RREB1: variants seen among roughly 807,000 people sequenced by gnomAD.
RREB1 encodes the protein ras responsive element binding protein 1, also known as ras-responsive element-binding protein 1.
A neutral mutation model predicts 117.8 loss-of-function variants in RREB1; 27 were observed. The observed-to-expected ratio is 0.23, with a 90% CI of 0.17 to 0.32. RREB1 has a LOEUF of 0.32. Among genes scored for constraint, RREB1 ranks in the 10% least tolerant of loss-of-function variants. The pLI is 1.00. For synonymous variants in RREB1, 1,298 were observed against 1,026.7 expected (o/e 1.26, Z -5.05); for missense variants, 2,577 against 2,378.2 (o/e 1.08, Z -1.74).
At chr6:7,123,964 A>G (rs1038368034) in intron 1 of RREB1, among the ~76,000 whole-genome samples, 3 of 152,074 alleles carry the variant, frequency 2.0e-5, no homozygotes, top group African/African-American at 7.3e-5. Flanking sequence ...CGTGTACCCA[A>G]AGGCCTGTCA....
At chr6:7,141,693 A>C (rs374352583) in intron 1 of RREB1, among the ~76,000 whole-genome samples, 67 of 152,380 alleles carry the variant, frequency 4.4e-4, no homozygotes, top group African/African-American at 1.6e-3. Flanking sequence ...TTTAAAAGAA[A>C]AACCACGTAT....
Position 7,123,227 on chromosome 6 carries a change from G to A in RREB1, c.-285+15167G>A, listed in dbSNP as rs144600133. 3.3e-5 allele frequency among the ~76,000 whole-genome samples: 5 copies of A among 151,842 alleles called. No homozygotes were observed. In the East Asian group the frequency reaches 5.8e-4, roughly 18 times the overall value. ...GGCTGGAGTACAATGGTGCAATCTCGTCTCACTGCAACTTCCACCTCCCGG... is the reference window on the plus strand; with the variant it reads ...GGCTGGAGTACAATGGTGCAATCTCATCTCACTGCAACTTCCACCTCCCGG... On this transcript the variant is annotated intron_variant, in intron 1 of 12. Coordinates refer to ENST00000379938, the MANE Select transcript of RREB1 (RefSeq NM_001003699.4).
intron 1 of RREB1, among the ~76,000 whole-genome samples, chr6:7,111,047 A>C (rs1024926852): frequency 1.3e-5 from 2 of 152,160 alleles, no homozygotes. Context: ...GGGTCTTTTA[A>C]ATTTCTTCGG....
At chr6:7,240,039 C>T (rs939016279) in intron 10 of RREB1, among the ~76,000 whole-genome samples, 1 of 152,238 alleles carries the variant, frequency 6.6e-6, no homozygotes, top group Non-Finnish European at 1.5e-5. Context: ...ATTACGGTGT[C>T]CTTGCCACAC....
chr6:7,152,385 TG>T (rs1476510178), intron 1 of RREB1, among the ~76,000 whole-genome samples: 14 of 152,330 alleles, frequency 9.2e-5, no homozygotes, highest in Non-Finnish European at 1.0e-4. Context: ...TATTGTTAAT[TG>T]ACTTTTTTTA....
Position 7,229,475 on chromosome 6 carries a change from T to C in RREB1, c.1376T>C (p.Ile459Thr), listed in dbSNP as rs780951539. The change falls in exon 10 of 13, where the codon ATC becomes ACC. Residue 459 changes from isoleucine (I) to threonine (T), a missense_variant. By Grantham distance (89) the Ile-to-Thr change is moderately conservative. Transcript: ENST00000379938. This position sits in a 1 kb window ranked among gnomAD's most constrained non-coding sequence, Gnocchi z 4.5. Reference sequence around the variant, plus strand: ...GACAGCAGCATTGTGGTCAAGCCCATCTCTGGCGAGTCGGCCATCGAGCTG... The same window carrying C: ...GACAGCAGCATTGTGGTCAAGCCCACCTCTGGCGAGTCGGCCATCGAGCTG... ...QPDSSIVVKP[I>T]SGESAIELAD... The C allele has an allele frequency of 1.7e-5, 28 of 1,614,168 alleles. No homozygotes were observed. Among genetic ancestry groups the C allele is most frequent in the Non-Finnish European group, 2.4e-5 (28 of 1,180,022 alleles).
At chr6:7,220,469 A>G (rs6597260) in intron 8 of RREB1, among the ~76,000 whole-genome samples, 7,075 of 152,228 alleles carry the variant, frequency 0.046, 552 homozygotes, top group African/African-American at 0.16. Flanking sequence ...TAAAAGAAAA[A>G]GAAAGTTTTG....
intron 1 of RREB1, among the ~76,000 whole-genome samples, chr6:7,174,973 A>T (rs1385155093): frequency 3.3e-5 from 5 of 152,048 alleles, no homozygotes; most frequent in African/African-American, 4.8e-5. Flanking sequence ...GTTTTTATTA[A>T]TTATGAGTAA....
rs567511973 is a variant in RREB1, at chr6:7,113,105, C to A, written c.-285+5045C>A. Among the ~76,000 whole-genome samples, 6 of 151,078 alleles carry A rather than the reference C, an allele frequency of 4.0e-5. No individual in the cohort carries two copies. The East Asian group carries it at 1.2e-3, about 29-fold the overall frequency. ...TTCAGTGTGATTCAAGCCAGTAAAG[C>A]TAAGAGAATTCGAAAACCTCTGTGA... On this transcript the variant is annotated intron_variant, in intron 1 of 12. Coordinates refer to ENST00000379938, the MANE Select transcript of RREB1 (RefSeq NM_001003699.4).
intron 1 of RREB1, among the ~76,000 whole-genome samples, chr6:7,117,388 G>GTTTTTTTTTTTTTTTTTTTTTTTTTTTTT (rs70978941): frequency 3.2e-5 from 2 of 63,292 alleles, no homozygotes; most frequent in Non-Finnish European, 5.4e-5. Context: ...TAGGTTTCCT[G>GTTTTTTTTTTTTTTTTTTTTTTTTTTTTT]TTTTTTTTTT....
At chr6:7,218,445 G>A (rs577391727) in intron 8 of RREB1, 2 of 152,140 alleles carry the variant, frequency 1.3e-5, no homozygotes, top group African/African-American at 4.8e-5. Context: ...TGAGCACTGG[G>A]GGAGCTAATC....
At chr6:7,139,230 A>G in intron 1 of RREB1, 1 of 152,228 alleles carries the variant, frequency 6.6e-6, no homozygotes. Flanking sequence ...GGGATGGGGG[A>G]GAGAGAAAGT....
In RREB1 at chr6:7,231,437, C is replaced by T; in HGVS notation, c.3338C>T (p.Thr1113Ile). The T allele has an allele frequency of 6.2e-7, 1 of 1,612,744 alleles. No individual in the cohort carries two copies. Among genetic ancestry groups the T allele is most frequent in the Non-Finnish European group, 8.5e-7 (1 of 1,179,650 alleles). ...GGAGGTTCTGTCCCCAAAGCCGCCA[C>T]CACCGCCACCCCCGCTGCCACCACC... ...SLGGSVPKAA[T>I]TATPAATTSP... The change falls in exon 10 of 13, where the codon ACC becomes ATC. Residue 1113 changes from threonine (T) to isoleucine (I), a missense_variant. Physicochemically the swap from Thr to Ile is moderately conservative, Grantham distance 89 (BLOSUM62 -1). Transcript: ENST00000379938.
At position 7,249,062 on chromosome 6, in the gene RREB1, TGAGAGAGAGAGAGA is replaced by T. The variant is rs4053178; in HGVS notation, c.*123_*136del. 0.033 allele frequency: 18,502 copies of T among 567,768 alleles called. 137 individuals carry two copies. Among genetic ancestry groups the T allele is most frequent in the Middle Eastern group, 0.1 (226 of 2,164 alleles). 35.2% of individuals were successfully genotyped at this position (567,768 alleles called of 1,614,324 possible). A position where few individuals can be genotyped will look rare whatever the true frequency, so the allele number is the denominator to read the frequency against. The stretch of plus-strand genomic sequence containing the variant: ...TCAGTGCCCTTTGGCTGTTGAGGAG[TGAGAGAGAGAGAGA>T]GAGAGAGAGAGAGAGAGAGAGAGAG... On this transcript the variant is annotated 3_prime_UTR_variant, in exon 13 of 13. Coordinates refer to ENST00000379938, the MANE Select transcript of RREB1 (RefSeq NM_001003699.4).
At chr6:7,133,379 G>A (rs1762231457) in intron 1 of RREB1, among the ~76,000 whole-genome samples, 1 of 152,102 alleles carries the variant, frequency 6.6e-6, no homozygotes, top group Admixed American at 6.5e-5. Context: ...TCCACCAAGA[G>A]CCAATACATC....
chr6:7,209,507 G>A (rs1766462240), intron 6 of RREB1, among the ~76,000 whole-genome samples: 1 of 151,580 alleles, frequency 6.6e-6, no homozygotes, highest in African/African-American at 2.4e-5. Context: ...CTTTCACAAG[G>A]CTTTAGGAGG....
At chr6:7,173,822 ACCC>A (rs542425133) in intron 1 of RREB1, among the ~76,000 whole-genome samples, 3 of 151,552 alleles carry the variant, frequency 2.0e-5, no homozygotes, top group Non-Finnish European at 2.9e-5. Flanking sequence ...AAGGAAAGAA[ACCC>A]TCGGGTTTTT....
chr6:7,166,182 G>A (rs1011739343), intron 1 of RREB1, among the ~76,000 whole-genome samples: 1 of 151,860 alleles, frequency 6.6e-6, no homozygotes, highest in South Asian at 2.1e-4. Flanking sequence ...GCCAGCCCCT[G>A]GCCTTGGCCC....
chr6:7,229,355 C>T lies in RREB1; in HGVS notation c.1256C>T (p.Ser419Phe). The change falls in exon 10 of 13, where the codon TCC becomes TTC. Residue 419 changes from serine (S) to phenylalanine (F), a missense_variant. Coordinates refer to ENST00000379938, the MANE Select transcript of RREB1 (RefSeq NM_001003699.4). The surrounding 1 kb of genome is among the most constrained non-coding windows in gnomAD (Gnocchi z 4.5). ...LLSLSPFEAASLGGSLTVLPA... is the reference protein window; with the variant it reads ...LLSLSPFEAAFLGGSLTVLPA... ...AGCCTGTCACCTTTCGAAGCTGCTT[C>T]CCTAGGCGGTTCTCTCACAGTTCTC... 3.1e-6 allele frequency: 5 copies of T among 1,614,204 alleles called. No individual in the cohort carries two copies. The highest frequency in any genetic ancestry group is 1.7e-5 in the Admixed American group (1 of 60,032).
Sources: gnomAD v4.1 joint callset for allele counts (sites outside exome capture counted in the v4.1 genomes callset) on GRCh38, gnomAD v4.1.1 for gene constraint, Gnocchi (gnomAD v3.1) non-coding constraint, MANE v1.5 for transcripts, NCBI Gene and HGNC (gene_info 2026-07-23, HGNC 2026-07-21) for gene names.